The following CCDC40 variants were observed in gnomAD, a reference collection of about 807,000 sequenced individuals.
CCDC40 encodes the protein coiled-coil domain 40 molecular ruler complex subunit.
In CCDC40, 104 loss-of-function variants were observed where a neutral mutation model predicts 124.5. The observed-to-expected ratio is 0.84, with a 90% CI of 0.71 to 0.98. The LOEUF (loss-of-function observed/expected upper bound fraction) is 0.98. Ranked by LOEUF, CCDC40 falls within the 50% of genes least tolerant of loss-of-function variation. The pLI is 0.00. For synonymous variants in CCDC40, 580 were observed against 602.9 expected (o/e 0.96, Z 0.56); for missense variants, 1,463 against 1,503.9 (o/e 0.97, Z 0.45).
At chr17:80,090,396 A>C (rs1394442032) in intron 17 of CCDC40, 4 of 793,348 alleles carry the variant, frequency 5.0e-6, no homozygotes, top group Non-Finnish European at 3.5e-6. Flanking sequence ...CAGCACGTGC[A>C]TGAACAACAC....
Position 80,086,012 on chromosome 17 carries a change from G to A in CCDC40, c.2245G>A (p.Val749Met). Residue 749 changes from valine to methionine, a missense_variant, in exon 14 of 20, where the codon GTG becomes ATG. Transcript: ENST00000397545. The surrounding 1 kb of genome is among the most constrained non-coding windows in gnomAD (Gnocchi z 5.5). ...TGAATATCCGGTCTAGGGGGAAGAA[G>A]TGGGGCCCCTGGAGCTTGAAATCAA... ...RMVSELGGEEVGPLELEIKRL... is the reference protein window; with the variant it reads ...RMVSELGGEEMGPLELEIKRL... The A allele has an allele frequency of 6.2e-7, 1 of 1,614,012 alleles. No individual in the cohort carries two copies.
chr17:80,059,748 C>G (rs958397267), intron 9 of CCDC40, among the ~76,000 whole-genome samples: 1 of 152,004 alleles, frequency 6.6e-6, no homozygotes, highest in Non-Finnish European at 1.5e-5. Flanking sequence ...TTAGTAAAAA[C>G]AGGGTTTCAC....
At chr17:80,070,781 A>G (rs80054533) in intron 10 of CCDC40, among the ~76,000 whole-genome samples, 2,466 of 152,314 alleles carry the variant, frequency 0.016, 71 homozygotes, top group African/African-American at 0.056. Context: ...CAAAAAAATA[A>G]AAAAGTGTCC....
intron 18 of CCDC40, 35 bp from the exon 19 acceptor site, chr17:80,097,210 T>G: frequency 6.2e-7 from 1 of 1,612,416 alleles, no homozygotes. Context: ...GTAGCCGGGC[T>G]GCAGGGGCCC....
intron 4 of CCDC40, 93 bp from the exon 5 acceptor site, chr17:80,048,490 C>A: frequency 1.0e-6 from 1 of 997,002 alleles, no homozygotes; most frequent in Non-Finnish European, 1.6e-6. Flanking sequence ...CTGCATGAGG[C>A]ATGACAGCAG....
At chr17:80,098,423 G>A (rs1184516397) in intron 19 of CCDC40, among the ~76,000 whole-genome samples, 3 of 152,268 alleles carry the variant, frequency 2.0e-5, no homozygotes, top group African/African-American at 7.2e-5. Flanking sequence ...GGGGGCACCT[G>A]GGGCTATTTG....
intron 7 of CCDC40, among the ~76,000 whole-genome samples, chr17:80,051,616 G>A (rs1408977712): frequency 5.2e-5 from 6 of 114,298 alleles, no homozygotes; most frequent in South Asian, 3.2e-4. Context: ...GCGACAGAGC[G>A]AGACTCCGTC....
chr17:80,058,342 G>A lies in CCDC40; in HGVS notation c.1160-152G>A. ...TGCTGACAAAGTCTGTGTCTTGATA[G>A]TTTAAAAGCAGTTTCCCAGTCTTAC... On this transcript the variant is annotated intron_variant, in intron 7 of 19. Coordinates refer to ENST00000397545, the MANE Select transcript of CCDC40 (RefSeq NM_017950.4). This position sits in a 1 kb window ranked among gnomAD's most constrained non-coding sequence, Gnocchi z 4.2. 1 of 655,584 alleles carries A rather than the reference G, an allele frequency of 1.5e-6. No homozygotes were observed. Among genetic ancestry groups the A allele is most frequent in the Non-Finnish European group, 2.7e-6 (1 of 372,050 alleles). The allele number at this position is 655,584 out of a possible 1,614,324, so 40.6% of individuals were successfully genotyped here. A position where few individuals can be genotyped will look rare whatever the true frequency, so the allele number is the denominator to read the frequency against.
At chr17:80,043,605 CTTTTTTT>C (rs61278841) in intron 3 of CCDC40, among the ~76,000 whole-genome samples, 1 of 121,374 alleles carries the variant, frequency 8.2e-6, no homozygotes, top group African/African-American at 3.5e-5. Flanking sequence ...TCTCCTCTTC[CTTTTTTT>C]TTTTTTTTTT....
Position 80,058,998 on chromosome 17 carries a change from A to G in CCDC40, c.1440+18A>G. The G allele has an allele frequency of 1.2e-6, 2 of 1,614,184 alleles. No homozygotes were observed. The highest frequency in any genetic ancestry group is 1.7e-6 in the Non-Finnish European group (2 of 1,180,014). The stretch of plus-strand genomic sequence containing the variant: ...TGAGTGAGGTAAAAGCAGTCCCCGC[A>G]GCTCTCAGTGTTCGACCCTCCAGTG... On this transcript the variant is annotated intron_variant, in intron 9 of 19. Transcript: ENST00000397545. This position sits in a 1 kb window ranked among gnomAD's most constrained non-coding sequence, Gnocchi z 4.2.
In CCDC40 at chr17:80,058,889, C is replaced by T. The variant is rs2037822605; in HGVS notation, c.1349C>T (p.Ala450Val). Residue 450 changes from alanine (A) to valine (V), a missense_variant, in exon 9 of 20, where the codon GCC (alanine) becomes GTC (valine). Physicochemically the swap from Ala to Val is moderately conservative, Grantham distance 64 (BLOSUM62 0). Coordinates refer to ENST00000397545, the MANE Select transcript of CCDC40 (RefSeq NM_017950.4). This position sits in a 1 kb window ranked among gnomAD's most constrained non-coding sequence, Gnocchi z 4.2. ...TATGTGGACCAGCTCACCACTCGAG[C>T]CCAGCAACTGGAAGAAGACATTGCC... ...DLYVDQLTTR[A>V]QQLEEDIALF... The T allele has an allele frequency of 6.2e-7, 1 of 1,614,156 alleles. No individual in the cohort carries two copies. Among genetic ancestry groups the T allele is most frequent in the South Asian group, 1.1e-5 (1 of 91,080 alleles).
At position 80,050,228 on chromosome 17, in the gene CCDC40, C is replaced by T. The variant is rs554805399; in HGVS notation, c.1104C>T (p.Ala368=). 6.9e-6 allele frequency: 11 copies of T among 1,600,992 alleles called. No homozygotes were observed. The highest frequency in any genetic ancestry group is 6.7e-5 in the African/African-American group (5 of 74,544). Residue 368 remains alanine, a synonymous_variant, in exon 7 of 20, where the codon GCC becomes GCT. Coordinates refer to ENST00000397545, the MANE Select transcript of CCDC40 (RefSeq NM_017950.4). The part of the protein sequence containing the change: ...ERRQKEEELQ[A]ARALYTKTCA... Reference sequence around the variant, plus strand: ...GGCAGAAGGAGGAGGAGCTGCAGGCCGCCCGCGCTCTCTACACCAAGACCT... The same window carrying T: ...GGCAGAAGGAGGAGGAGCTGCAGGCTGCCCGCGCTCTCTACACCAAGACCT...
chr17:80,081,919 C>T lies in CCDC40; in HGVS notation c.1850C>T (p.Ala617Val). 4 of 1,614,062 alleles carry T rather than the reference C, an allele frequency of 2.5e-6. No homozygotes were observed. The highest frequency in any genetic ancestry group is 3.4e-6 in the Non-Finnish European group (4 of 1,179,994). Residue 617 changes from alanine (A) to valine (V), a missense_variant, in exon 12 of 20, where the codon GCC becomes GTC. By Grantham distance (64) the Ala-to-Val change is moderately conservative. Transcript: ENST00000397545. Reference sequence around the variant, plus strand: ...GAGGAGTTGCAGGCCATCCGCCAAGCCATCCAGGGCGAGCTGGAGCTCAGG... The same window carrying T: ...GAGGAGTTGCAGGCCATCCGCCAAGTCATCCAGGGCGAGCTGGAGCTCAGG... Reference protein sequence around the residue: ...LTEELQAIRQAIQGELELRRK... With the variant: ...LTEELQAIRQVIQGELELRRK...
chr17:80,058,508 A>G lies in CCDC40; in HGVS notation c.1174A>G (p.Thr392Ala), dbSNP rs768926364. 4.3e-6 allele frequency: 7 copies of G among 1,614,044 alleles called. No individual in the cohort carries two copies. The Admixed American group carries it at 1.2e-4, about 27-fold the overall frequency. ...GCGCCCCGCAGTGGCGGCTCTGCAGACTGAGATGGAGAACTTGGCCCTGCA... is the reference window on the plus strand; with the variant it reads ...GCGCCCCGCAGTGGCGGCTCTGCAGGCTGAGATGGAGAACTTGGCCCTGCA... ...EERKKLAALQ[T>A]EMENLALHLF... The change falls in exon 8 of 20, where the codon ACT (threonine) becomes GCT (alanine). Residue 392 changes from threonine to alanine, a missense_variant. Thr to Ala is a moderately conservative substitution (Grantham distance 58, BLOSUM62 0). Transcript: ENST00000397545. The surrounding 1 kb of genome is among the most constrained non-coding windows in gnomAD (Gnocchi z 4.2).
rs1187759768 is a variant in CCDC40, at chr17:80,037,694, T to A, written c.30-429T>A. The stretch of plus-strand genomic sequence containing the variant: ...AATCTTTAATTTTTTAAAAAAGATA[T>A]ACATATATATATATATATATATATA... On this transcript the variant is annotated intron_variant, in intron 1 of 19. Transcript: ENST00000397545. 4.8e-3 allele frequency among the ~76,000 whole-genome samples: 343 copies of A among 72,168 alleles called. 2 individuals are homozygous for A. Among genetic ancestry groups the A allele is most frequent in the South Asian group, 8.8e-3 (20 of 2,280 alleles). 47.3% of individuals were successfully genotyped at this position (72,168 alleles called of 152,430 possible). A position where few individuals can be genotyped will look rare whatever the true frequency, so the allele number is the denominator to read the frequency against.
chr17:80,088,214 C>T (rs542557383), intron 16 of CCDC40, 112 bp downstream of exon 16: 2 of 756,074 alleles, frequency 2.6e-6, no homozygotes, highest in African/African-American at 1.7e-5. Flanking sequence ...ACCCATATCC[C>T]AGTGCTTTGG....
At chr17:80,090,925 C>A in intron 17 of CCDC40, 2 of 607,620 alleles carry the variant, frequency 3.3e-6, no homozygotes, top group Non-Finnish European at 4.3e-6. Flanking sequence ...ATTACAGAAG[C>A]CACATGTATT....
chr17:80,040,693 A>AG (rs992171332), intron 3 of CCDC40, among the ~76,000 whole-genome samples: 2 of 151,584 alleles, frequency 1.3e-5, no homozygotes, highest in African/African-American at 4.8e-5. Flanking sequence ...AAAAAAAAAA[A>AG]AAGAAAAGAA....
At chr17:80,083,709 C>T (rs888910808) in intron 12 of CCDC40, among the ~76,000 whole-genome samples, 5 of 152,202 alleles carry the variant, frequency 3.3e-5, no homozygotes, top group East Asian at 3.9e-4. Flanking sequence ...ATAAACCCCC[C>T]GTTGCCAGAA....
Sources: allele counts gnomAD v4.1 joint callset (sites outside exome capture counted in the v4.1 genomes callset), GRCh38; gene constraint gnomAD v4.1.1; non-coding constraint Gnocchi (gnomAD v3.1); transcripts MANE v1.5; gene names NCBI Gene and HGNC (gene_info 2026-07-23, HGNC 2026-07-21).